Variants in DLC1 observed in about 807,000 individuals in gnomAD.
DLC1 encodes DLC1 Rho GTPase activating protein, also known as rho GTPase-activating protein 7.
DLC1 carries 54 observed loss-of-function variants against 140.3 expected under a neutral mutation model. The observed-to-expected ratio is 0.38, with a 90% confidence interval of 0.31 to 0.48. The LOEUF is 0.48. Among genes scored for constraint, DLC1 ranks in the 20% least tolerant of loss-of-function variants. The pLI is 0.96. For missense variants in DLC1, 2,536 were observed against 1,907.0 expected (o/e 1.33, Z -6.14); for synonymous variants, 986 against 728.1 (o/e 1.35, Z -5.70).
At chr8:13,344,452 C>T (rs561520613) in intron 4 of DLC1, among the ~76,000 whole-genome samples, 120 of 152,242 alleles carry the variant, frequency 7.9e-4, no homozygotes, top group African/African-American at 2.9e-3. Flanking sequence ...GAGATCACGC[C>T]GTTGCACTCT....
chr8:13,424,790 G>A (rs558117), intron 2 of DLC1, among the ~76,000 whole-genome samples: 6 of 151,928 alleles, frequency 3.9e-5, no homozygotes, highest in African/African-American at 1.5e-4. Flanking sequence ...AGCCAGGATG[G>A]TCTTGGTCTC....
chr8:13,185,530 A>T (rs1178092891), intron 5 of DLC1, among the ~76,000 whole-genome samples: 1 of 151,152 alleles, frequency 6.6e-6, no homozygotes, highest in African/African-American at 2.4e-5. Context: ...GATGATCTCG[A>T]CCTCCTGACC....
chr8:13,337,619 A>G (rs1161670166), intron 4 of DLC1, among the ~76,000 whole-genome samples: 1 of 152,186 alleles, frequency 6.6e-6, no homozygotes, highest in Non-Finnish European at 1.5e-5. Flanking sequence ...AGGATAAGAC[A>G]AAATTGTAGG....
At chr8:13,278,078 T>A (rs573622110) in intron 5 of DLC1, among the ~76,000 whole-genome samples, 1 of 152,224 alleles carries the variant, frequency 6.6e-6, no homozygotes, top group Non-Finnish European at 1.5e-5. Flanking sequence ...GTTCCCAAAC[T>A]GTTAAAGCTC....
chr8:13,172,611 A>C (rs529524885), intron 5 of DLC1, among the ~76,000 whole-genome samples: 43 of 152,378 alleles, frequency 2.8e-4, no homozygotes, highest in African/African-American at 9.1e-4. Context: ...CTCACACAGT[A>C]AGTGGCAGGA....
intron 1 of DLC1, among the ~76,000 whole-genome samples, chr8:13,551,745 A>T (rs1803860219): frequency 6.6e-6 from 1 of 150,998 alleles, no homozygotes; most frequent in African/African-American, 2.4e-5. Context: ...TCTATCAAAC[A>T]TATGTTTCTA....
intron 5 of DLC1, among the ~76,000 whole-genome samples, chr8:13,186,606 G>A (rs1826383791): frequency 6.6e-6 from 1 of 152,082 alleles, no homozygotes; most frequent in Non-Finnish European, 1.5e-5. Context: ...TCCTCCTTTA[G>A]CTCGGAGAAA....
At chr8:13,458,846 C>T (rs768286127) in intron 2 of DLC1, among the ~76,000 whole-genome samples, 9 of 151,296 alleles carry the variant, frequency 5.9e-5, no homozygotes, top group South Asian at 4.2e-4. Flanking sequence ...AAAAAAGATG[C>T]GCTTATGACT....
At chr8:13,276,427 C>T in intron 5 of DLC1, 1 of 1,435,300 alleles carries the variant, frequency 7.0e-7, no homozygotes, top group Non-Finnish European at 9.1e-7. Flanking sequence ...TCAGCGCAGC[C>T]CGGGCGCCGC....
chr8:13,283,650 G>T (rs965915461), intron 5 of DLC1, among the ~76,000 whole-genome samples: 1 of 152,134 alleles, frequency 6.6e-6, no homozygotes, highest in Non-Finnish European at 1.5e-5. Flanking sequence ...GAGTAGCCTG[G>T]ACTACAGGCG....
At chr8:13,133,304 C>A (rs912137511) in intron 5 of DLC1, 3 of 1,246,036 alleles carry the variant, frequency 2.4e-6, no homozygotes, top group South Asian at 4.1e-5. Context: ...CCCGCGCGCT[C>A]CGCCAGCCGG....
intron 4 of DLC1, among the ~76,000 whole-genome samples, chr8:13,382,205 G>A (rs1586243719): frequency 1.3e-5 from 2 of 151,998 alleles, no homozygotes; most frequent in African/African-American, 2.4e-5. Flanking sequence ...TTCTTATTAC[G>A]TATACTGAAA....
chr8:13,149,436 A>C (rs551576837), intron 5 of DLC1, among the ~76,000 whole-genome samples: 2 of 152,248 alleles, frequency 1.3e-5, no homozygotes, highest in African/African-American at 4.8e-5. Context: ...TATTTAACTC[A>C]ACATCTTTTG....
chr8:13,580,838 A>G (rs1391666023), intron 1 of DLC1, among the ~76,000 whole-genome samples: 1 of 152,220 alleles, frequency 6.6e-6, no homozygotes, highest in Non-Finnish European at 1.5e-5. Context: ...GCTTTCTGAG[A>G]AAAAGCGGGA....
intron 4 of DLC1, among the ~76,000 whole-genome samples, chr8:13,343,910 A>C (rs2116997222): frequency 6.6e-6 from 1 of 152,248 alleles, no homozygotes; most frequent in Middle Eastern, 3.4e-3. Context: ...TAGGGACCCA[A>C]ATTTGAAATA....
chr8:13,365,965 T>G (rs956956986), intron 4 of DLC1, among the ~76,000 whole-genome samples: 2 of 152,072 alleles, frequency 1.3e-5, no homozygotes, highest in Non-Finnish European at 2.9e-5. Context: ...GAGGGGAAAA[T>G]GTACCAGCCA....
chr8:13,560,833 G>A lies in DLC1; in HGVS notation c.-126+43704C>T, dbSNP rs570841168. 2.8e-4 allele frequency among the ~76,000 whole-genome samples: 43 copies of A among 152,150 alleles called. 1 individual carries two copies. Among genetic ancestry groups the A allele is most frequent in the African/African-American group, 7.7e-4 (32 of 41,518 alleles). ...CATGGAGGGAGAACATCATGAGAAC[G>A]TGAAGACAGCCATCTACCAGTCAAG... On this transcript the variant is annotated intron_variant, in intron 1 of 1. Coordinates refer to the DLC1 transcript ENST00000631382.
chr8:13,416,625 C>G (rs1440334660), intron 2 of DLC1, among the ~76,000 whole-genome samples: 1 of 152,120 alleles, frequency 6.6e-6, no homozygotes, highest in African/African-American at 2.4e-5. Context: ...ATAGTATAAA[C>G]AAAATCTCTA....
chr8:13,359,028 T>A (rs1334642948), intron 4 of DLC1, among the ~76,000 whole-genome samples: 1 of 152,174 alleles, frequency 6.6e-6, no homozygotes, highest in Non-Finnish European at 1.5e-5. Context: ...AAGCTCCGCG[T>A]CCCGGGTTCA....
Sources: gnomAD v4.1 joint callset for allele counts (sites outside exome capture counted in the v4.1 genomes callset) on GRCh38, gnomAD v4.1.1 for gene constraint, MANE v1.5 for transcripts, NCBI Gene and HGNC (gene_info 2026-07-23, HGNC 2026-07-21) for gene names.